STS: variants seen among roughly 807,000 people sequenced by gnomAD.
The protein encoded by STS is steryl-sulfatase.
A neutral mutation model predicts 26.8 loss-of-function variants in STS; 7 were observed. That is an observed-to-expected ratio of 0.26 (90% CI 0.15 to 0.49). The LOEUF is 0.49. Among genes scored for constraint, STS ranks in the 20% least tolerant of loss-of-function variants. The pLI is 0.98. For missense variants in STS, 434 were observed against 465.6 expected (o/e 0.93, Z 0.63); for synonymous variants, 199 against 189.4 (o/e 1.05, Z -0.42).
At chrX:7,332,236 C>G (rs1473446581) in intron 9 of STS, among the ~76,000 whole-genome samples, 6 of 108,774 alleles carry the variant, frequency 5.5e-5, no homozygotes, top group Non-Finnish European at 1.1e-4. Flanking sequence ...GAGGATGAGG[C>G]AGGAGGATCG....
intron 10 of STS, among the ~76,000 whole-genome samples, chrX:7,334,642 C>T (rs1372923469): frequency 1.8e-5 from 2 of 112,244 alleles, no homozygotes; most frequent in African/African-American, 6.5e-5. Flanking sequence ...TAGCAAGCCA[C>T]TAAAGGCTAG....
intron 7 of STS, among the ~76,000 whole-genome samples, chrX:7,287,379 G>A (rs1925185264): frequency 9.0e-6 from 1 of 111,492 alleles, no homozygotes; most frequent in African/African-American, 3.3e-5. Context: ...GTACAGAAAG[G>A]GAATGACCCA....
intron 6 of STS, among the ~76,000 whole-genome samples, chrX:7,267,546 A>G (rs374721240): frequency 8.3e-4 from 93 of 112,197 alleles, no homozygotes; most frequent in African/African-American, 2.9e-3. Context: ...GAAAAAACAG[A>G]TATGTTGGCC....
At chrX:7,233,818 G>A (rs1922186425) in intron 2 of STS, among the ~76,000 whole-genome samples, 1 of 111,387 alleles carries the variant, frequency 9.0e-6, no homozygotes, top group Non-Finnish European at 1.9e-5. Flanking sequence ...GCAGTGGGAG[G>A]TAAGAATAAC....
In STS at chrX:7,325,438, G is replaced by C. The variant is rs760275320; in HGVS notation, c.1181G>C (p.Ser394Thr). 3 of 1,209,607 alleles carry C rather than the reference G, an allele frequency of 2.5e-6. No homozygotes were observed. Among genetic ancestry groups the C allele is most frequent in the African/African-American group, 1.8e-5 (1 of 57,102 alleles). ...QAGQKIDEPT[S>T]NMDIFPTVAK... ...GGCCAGAAGATTGATGAGCCCACTA[G>C]CAACATGGACATATTTCCTACAGTA... The change falls in exon 9 of 11, where the codon AGC (serine) becomes ACC (threonine). Residue 394 changes from serine to threonine, a missense_variant. This residue lies in a region of STS where 205 missense variants were observed against 177.3 expected (regional missense o/e 1.16). Coordinates refer to ENST00000674429, the MANE Select transcript of STS (RefSeq NM_001320752.2).
intron 8 of STS, among the ~76,000 whole-genome samples, chrX:7,322,925 A>G (rs1927112781): frequency 8.9e-6 from 1 of 112,080 alleles, no homozygotes; most frequent in African/African-American, 3.2e-5. Flanking sequence ...TCGATGCTGT[A>G]TTTAATTATA....
At position 7,289,940 on chromosome X, in the gene STS, A is replaced by T. The variant is rs144752410; in HGVS notation, c.943+13853A>T. ...AAAATGTTGGGATTACAGACAGAAT[A>T]TGTTTCTTCTAGAGTAGTTATGTCA... On this transcript the variant is annotated intron_variant, in intron 7 of 10. Coordinates refer to ENST00000674429, the MANE Select transcript of STS (RefSeq NM_001320752.2). Among the ~76,000 whole-genome samples, 622 of 111,619 alleles carry T rather than the reference A, an allele frequency of 5.6e-3. 4 individuals carry two copies. Among genetic ancestry groups the T allele is most frequent in the African/African-American group, 0.02 (602 of 30,709 alleles).
chrX:7,318,913 C>T (rs193092527), intron 8 of STS, among the ~76,000 whole-genome samples: 1 of 111,422 alleles, frequency 9.0e-6, no homozygotes, highest in African/African-American at 3.3e-5. Context: ...CTTGGAGCTC[C>T]TTTGGGAATC....
At chrX:7,215,207 G>T (rs1003824857) in intron 2 of STS, among the ~76,000 whole-genome samples, 1 of 103,726 alleles carries the variant, frequency 9.6e-6, no homozygotes, top group African/African-American at 3.6e-5. Flanking sequence ...ATTTGGGCTG[G>T]TTCCACATTT....
intron 1 of STS, among the ~76,000 whole-genome samples, chrX:7,183,022 G>A (rs1933710963): frequency 8.9e-6 from 1 of 112,127 alleles, no homozygotes; most frequent in African/African-American, 3.2e-5. Flanking sequence ...GAGGCATGAT[G>A]TGAAGACACG....
At chrX:7,243,837 G>T (rs1340061463) in intron 2 of STS, among the ~76,000 whole-genome samples, 1 of 111,577 alleles carries the variant, frequency 9.0e-6, no homozygotes, top group Non-Finnish European at 1.9e-5. Context: ...GCCGAGGCAG[G>T]TGGATCACTT....
chrX:7,338,977 A>G (rs1260364244), intron 10 of STS, among the ~76,000 whole-genome samples: 3 of 112,216 alleles, frequency 2.7e-5, no homozygotes, highest in Non-Finnish European at 5.6e-5. Context: ...TCTGAAAGAT[A>G]CCTTCATTTC....
At chrX:7,244,496 G>A (rs1303278668) in intron 2 of STS, among the ~76,000 whole-genome samples, 2 of 111,813 alleles carry the variant, frequency 1.8e-5, no homozygotes, top group Non-Finnish European at 3.8e-5. Flanking sequence ...GGAGCAGAGG[G>A]AATGAATTGC....
chrX:7,321,542 CAA>C (rs1316670423), intron 8 of STS, among the ~76,000 whole-genome samples: 3 of 111,981 alleles, frequency 2.7e-5, no homozygotes, highest in Non-Finnish European at 3.8e-5. Flanking sequence ...GTTAGAAAAA[CAA>C]AGAGAAAGAG....
At chrX:7,208,772 C>G (rs1405387880) in intron 2 of STS, among the ~76,000 whole-genome samples, 1 of 111,606 alleles carries the variant, frequency 9.0e-6, no homozygotes, top group African/African-American at 3.3e-5. Flanking sequence ...CCTTACAGTT[C>G]GGGAAGTCTT....
chrX:7,181,581 G>A (rs1485938720), intron 1 of STS, among the ~76,000 whole-genome samples: 2 of 111,848 alleles, frequency 1.8e-5, no homozygotes, highest in South Asian at 3.8e-4. Flanking sequence ...CCTTTGGACT[G>A]TGAACCTGGG....
chrX:7,328,852 C>T (rs780182845), intron 9 of STS, among the ~76,000 whole-genome samples: 5 of 111,093 alleles, frequency 4.5e-5, no homozygotes, highest in Admixed American at 3.8e-4. Context: ...CGCACCATCA[C>T]GCCCAGCTAA....
intron 1 of STS, among the ~76,000 whole-genome samples, chrX:7,171,826 T>C (rs1477741535): frequency 8.9e-6 from 1 of 112,063 alleles, no homozygotes; most frequent in African/African-American, 3.2e-5. Flanking sequence ...AGAGGCCTTC[T>C]TGAAATAATT....
chrX:7,304,416 A>G, intron 7 of STS, among the ~76,000 whole-genome samples: 1 of 111,347 alleles, frequency 9.0e-6, no homozygotes, highest in Middle Eastern at 4.6e-3. Flanking sequence ...GTTCTGGGGA[A>G]AGAAGGTGAG....
Sources: gnomAD v4.1 joint callset for allele counts (sites outside exome capture counted in the v4.1 genomes callset) on GRCh38, gnomAD v4.1.1 for gene constraint, gnomAD v4.1.1 regional missense constraint, MANE v1.5 for transcripts, NCBI Gene and HGNC (gene_info 2026-07-23, HGNC 2026-07-21) for gene names.